IL1RAPL1: variants seen among roughly 807,000 people sequenced by gnomAD.
IL1RAPL1 encodes interleukin-1 receptor accessory protein-like 1.
IL1RAPL1 carries 3 observed loss-of-function variants against 48.4 expected under a neutral mutation model. The ratio of observed to expected loss-of-function variants is 0.06; its 90% CI spans 0.03 to 0.16. IL1RAPL1 has a LOEUF of 0.16. Among genes scored for constraint, IL1RAPL1 ranks in the 10% least tolerant of loss-of-function variants. IL1RAPL1 has a pLI of 1.00. For missense variants in IL1RAPL1, 349 were observed against 530.6 expected (o/e 0.66, Z 3.36); for synonymous variants, 185 against 187.7 (o/e 0.99, Z 0.12).
chrX:29,129,243 A>T (rs1279345297), intron 2 of IL1RAPL1, among the ~76,000 whole-genome samples: 1 of 109,831 alleles, frequency 9.1e-6, no homozygotes, highest in Non-Finnish European at 1.9e-5. Flanking sequence ...GGGTTTCTCC[A>T]TGTTGGTCAG....
intron 2 of IL1RAPL1, among the ~76,000 whole-genome samples, chrX:28,987,050 G>A (rs1249635174): frequency 1.8e-5 from 2 of 112,542 alleles, no homozygotes; most frequent in African/African-American, 3.2e-5. Context: ...TGTATAGAAA[G>A]AGTAACTCCT....
At chrX:28,814,765 T>A (rs1391880444) in intron 2 of IL1RAPL1, among the ~76,000 whole-genome samples, 1 of 87,110 alleles carries the variant, frequency 1.1e-5, no homozygotes, top group Non-Finnish European at 2.4e-5. Flanking sequence ...ATTTCCCCTC[T>A]TTTTCTGGCT....
chrX:29,059,726 A>C (rs1602036143), intron 2 of IL1RAPL1, among the ~76,000 whole-genome samples: 1 of 111,947 alleles, frequency 8.9e-6, no homozygotes, highest in Admixed American at 9.5e-5. Context: ...AATAGCTACC[A>C]AAATTTTAGA....
chrX:28,909,861 A>C (rs1923313026), intron 2 of IL1RAPL1, among the ~76,000 whole-genome samples: 1 of 111,774 alleles, frequency 8.9e-6, no homozygotes, highest in African/African-American at 3.2e-5. Flanking sequence ...ACAAAGATGT[A>C]ATAAAGCAAT....
chrX:29,672,306 T>G (rs1926161518), intron 6 of IL1RAPL1, among the ~76,000 whole-genome samples: 1 of 111,975 alleles, frequency 8.9e-6, no homozygotes, highest in South Asian at 3.7e-4. Context: ...CCAGAGAAGT[T>G]GTATAAACTC....
intron 5 of IL1RAPL1, among the ~76,000 whole-genome samples, chrX:29,506,305 A>T (rs1935326486): frequency 9.0e-6 from 1 of 111,643 alleles, no homozygotes; most frequent in South Asian, 3.7e-4. Flanking sequence ...ATGTATATCT[A>T]TGTTTTTGGA....
intron 3 of IL1RAPL1, among the ~76,000 whole-genome samples, chrX:29,301,507 G>A (rs1275301349): frequency 8.9e-6 from 1 of 112,057 alleles, no homozygotes; most frequent in African/African-American, 3.2e-5. Context: ...TTCACATTGT[G>A]TATAAGTATC....
chrX:29,328,241 A>AT (rs1274623534), intron 3 of IL1RAPL1, among the ~76,000 whole-genome samples: 1 of 111,683 alleles, frequency 9.0e-6, no homozygotes, highest in Non-Finnish European at 1.9e-5. Context: ...TAGGTTGATT[A>AT]TTTTAGCTCT....
chrX:29,345,569 T>A (rs764968220), intron 3 of IL1RAPL1, among the ~76,000 whole-genome samples: 2 of 111,995 alleles, frequency 1.8e-5, no homozygotes, highest in Non-Finnish European at 3.8e-5. Flanking sequence ...ATATAGTATC[T>A]TATTTATCTT....
At chrX:29,076,802 G>GTCTGTCTGTCTGTCTGTCTATCTATCTA (rs568595100) in intron 2 of IL1RAPL1, among the ~76,000 whole-genome samples, 1 of 97,246 alleles carries the variant, frequency 1.0e-5, no homozygotes, top group Non-Finnish European at 2.1e-5. Flanking sequence ...CTGTCTGTCT[G>GTCTGTCTGTCTGTCTGTCTATCTATCTA]TCTATCTATC....
chrX:28,938,411 A>G (rs897875048), intron 2 of IL1RAPL1, among the ~76,000 whole-genome samples: 45 of 111,243 alleles, frequency 4.0e-4, no homozygotes, highest in African/African-American at 1.3e-3. Context: ...AAAACAAGCA[A>G]TGGTGAAAAG....
intron 9 of IL1RAPL1, among the ~76,000 whole-genome samples, chrX:29,949,649 A>G (rs947682718): frequency 8.9e-6 from 1 of 112,290 alleles, no homozygotes; most frequent in African/African-American, 3.2e-5. Flanking sequence ...CTGTTTATAA[A>G]TGAAAGTTGA....
chrX:29,699,496 G>C lies in IL1RAPL1; in HGVS notation c.778+30992G>C, dbSNP rs373822390. On this transcript the variant is annotated intron_variant, in intron 6 of 10. Transcript: ENST00000378993. ...CTTTGCTTTTACAGCCAAATGAGGA[G>C]ACAGTTCTTGGATTTAAAGAACTTT... 5.3e-5 allele frequency among the ~76,000 whole-genome samples: 6 copies of C among 112,354 alleles called. No individual in the cohort carries two copies. The East Asian group carries it at 1.7e-3, about 31-fold the overall frequency.
At chrX:28,657,632 G>A (rs1023477457) in intron 1 of IL1RAPL1, among the ~76,000 whole-genome samples, 4 of 112,441 alleles carry the variant, frequency 3.6e-5, no homozygotes, top group Non-Finnish European at 3.8e-5. Flanking sequence ...TTTTACATGT[G>A]GGCTGTCTGA....
chrX:29,435,767 C>G (rs1934475439), intron 5 of IL1RAPL1, among the ~76,000 whole-genome samples: 1 of 110,815 alleles, frequency 9.0e-6, no homozygotes, highest in Admixed American at 9.6e-5. Flanking sequence ...AAACTTTAAC[C>G]TAAGTCACTA....
chrX:29,608,848 TAAGAG>T (rs1924001609), intron 5 of IL1RAPL1, among the ~76,000 whole-genome samples: 1 of 110,539 alleles, frequency 9.0e-6, no homozygotes. Flanking sequence ...TAAAATAAAA[TAAGAG>T]GAGGAACAAA....
intron 2 of IL1RAPL1, among the ~76,000 whole-genome samples, chrX:29,067,990 T>C (rs1360863613): frequency 2.7e-5 from 3 of 111,964 alleles, no homozygotes; most frequent in African/African-American, 9.7e-5. Context: ...TTTTTAATGG[T>C]CCTTATATTC....
In IL1RAPL1 at chrX:29,800,987, C is replaced by T. The variant is rs183012410; in HGVS notation, c.779-116477C>T. ...TGCACTCCAGCCTGGGCAACAAGAG[C>T]GAAACTCCGTCTCAAAAAAAAAAAA... is the stretch of plus-strand genomic sequence containing the variant. On this transcript the variant is annotated intron_variant, in intron 6 of 10. Transcript: ENST00000378993. 5.1e-3 allele frequency among the ~76,000 whole-genome samples: 270 copies of T among 53,312 alleles called. 1 individual carries two copies. Among genetic ancestry groups the T allele is most frequent in the Non-Finnish European group, 7.2e-3 (215 of 29,775 alleles). The allele number at this position is 53,312 out of a possible 115,157, so 46.3% of individuals were successfully genotyped here.
At chrX:29,313,286 T>TGTGTGTGC (rs1245878069) in intron 3 of IL1RAPL1, among the ~76,000 whole-genome samples, 1 of 96,764 alleles carries the variant, frequency 1.0e-5, no homozygotes, top group African/African-American at 3.6e-5. Context: ...TGTGTGTGTG[T>TGTGTGTGC]GCGCGCGCAC....
Sources: gnomAD v4.1 joint callset for allele counts (sites outside exome capture counted in the v4.1 genomes callset) on GRCh38, gnomAD v4.1.1 for gene constraint, MANE v1.5 for transcripts, NCBI Gene and HGNC (gene_info 2026-07-23, HGNC 2026-07-21) for gene names.